Variants in APOBR observed in about 807,000 individuals in gnomAD.
APOBR encodes the protein apolipoprotein B receptor, also known as apoB-48R.
Under a neutral mutation model 88.5 loss-of-function variants are expected in APOBR, and 57 were observed. That is an observed-to-expected ratio of 0.64 (90% CI 0.52 to 0.80). APOBR has a LOEUF of 0.80. Among genes scored for constraint, APOBR ranks in the 30% least tolerant of loss-of-function variants. The pLI is 0.00. For missense variants in APOBR, 1,443 were observed against 1,401.6 expected (o/e 1.03, Z -0.47); for synonymous variants, 588 against 572.7 (o/e 1.03, Z -0.38).
rs1032104599 is a variant in APOBR, at chr16:28,495,729, G to A, written c.688G>A (p.Glu230Lys). The A allele has an allele frequency of 2.0e-6, 3 of 1,534,480 alleles. No homozygotes were observed. The highest frequency in any genetic ancestry group is 1.8e-6 in the Non-Finnish European group (2 of 1,138,618). The change falls in exon 2 of 4, where the codon GAG becomes AAG. Residue 230 changes from glutamate to lysine, a missense_variant. Glu to Lys is a moderately conservative substitution (Grantham distance 56). Transcript: ENST00000564831. ...DNREMEQGVR[E>K]ADAGETEEPG... ...CCGGGAGATGGAGCAGGGGGTCAGG[G>A]AGGCAGATGCAGGGGAAACTGAGGA...
rs200751685 is a variant in APOBR, at chr16:28,498,107, C to G, written c.2982C>G (p.Asp994Glu). The change falls in exon 3 of 4, where the codon GAC becomes GAG. Residue 994 changes from aspartate (D) to glutamate (E), a missense_variant. By Grantham distance (45) the Asp-to-Glu change is conservative. Transcript: ENST00000564831. ...SEAPLPGSLLDVSVPRSRVHL... is the reference protein window; with the variant it reads ...SEAPLPGSLLEVSVPRSRVHL... ...CCCCGCTCCCCGGGTCCCTCCTAGACGTCTCTGTCCCAAGGAGTCGCGTGC... is the reference window on the plus strand; with the variant it reads ...CCCCGCTCCCCGGGTCCCTCCTAGAGGTCTCTGTCCCAAGGAGTCGCGTGC... The G allele has an allele frequency of 6.3e-7, 1 of 1,579,198 alleles. No individual in the cohort carries two copies. Among genetic ancestry groups the G allele is most frequent in the South Asian group, 1.1e-5 (1 of 89,458 alleles).
At position 28,497,996 on chromosome 16, in the gene APOBR, G is replaced by T; in HGVS notation, c.2955G>T (p.Glu985Asp). The stretch of plus-strand genomic sequence containing the variant: ...GAGGTGCTGCCAACAGCTGGAGCGA[G>T]GTGAGGGCTCTTGGTGGGGTCTCGG... ...ARGGAANSWS[E>D]APLPGSLLDV... The change falls in exon 2 of 4, where the codon GAG becomes GAT. Residue 985 changes from glutamate (E) to aspartate (D), a missense_variant and splice_region_variant. Coordinates refer to ENST00000564831, the MANE Select transcript of APOBR (RefSeq NM_018690.4). 1 of 1,589,154 alleles carries T rather than the reference G, an allele frequency of 6.3e-7. No homozygotes were observed. Among genetic ancestry groups the T allele is most frequent in the South Asian group, 1.1e-5 (1 of 89,374 alleles).
Position 28,496,980 on chromosome 16 carries a change from C to T in APOBR, c.1939C>T (p.Arg647Trp), listed in dbSNP as rs376186510. 108 of 1,560,290 alleles carry T rather than the reference C, an allele frequency of 6.9e-5. No individual in the cohort carries two copies. Among genetic ancestry groups the T allele is most frequent in the Middle Eastern group, 3.4e-4 (2 of 5,912 alleles). Reference sequence around the variant, plus strand: ...GGAGGATGCGGCCGATGGCGAGCAGCGGGAGGAGGAGGAGACTGCGGGAGG... The same window carrying T: ...GGAGGATGCGGCCGATGGCGAGCAGTGGGAGGAGGAGGAGACTGCGGGAGG... ...TQEDAADGEQREEEETAGGQT... is the reference protein window; with the variant it reads ...TQEDAADGEQWEEEETAGGQT... Residue 647 changes from arginine to tryptophan, a missense_variant, in exon 2 of 4, where the codon CGG (arginine) becomes TGG (tryptophan). Transcript: ENST00000564831.
Position 28,494,731 on chromosome 16 carries a change from G to A in APOBR, c.50G>A (p.Gly17Glu), listed in dbSNP as rs771522282. The change falls in exon 1 of 4, where the codon GGG (glycine) becomes GAG (glutamate). Residue 17 changes from glycine (G) to glutamate (E), a missense_variant. Gly to Glu is a moderately conservative substitution (Grantham distance 98). Transcript: ENST00000564831. ...CCTGGGCTGCACCAGGCCTTGAGGG[G>A]GGCACTGGTGAGAAGGGCAGACAGC... Reference protein sequence around the residue: ...YLPGLHQALRGALDSLGTFVS... With the variant: ...YLPGLHQALREALDSLGTFVS... 9 of 1,610,440 alleles carry A rather than the reference G, an allele frequency of 5.6e-6. No individual in the cohort carries two copies. In the African/African-American group the frequency reaches 8.0e-5, roughly 14 times the overall value.
In APOBR at chr16:28,496,857, C is replaced by G; in HGVS notation, c.1816C>G (p.Pro606Ala). 6.4e-7 allele frequency: 1 copy of G among 1,558,768 alleles called. No individual in the cohort carries two copies. Among genetic ancestry groups the G allele is most frequent in the Non-Finnish European group, 8.7e-7 (1 of 1,151,264 alleles). ...EEQERSLEAG[P>A]RHAGSVKPEA... is the part of the protein sequence containing the mutation. ...GCAGGAGAGGAGCCTGGAGGCAGGT[C>G]CCAGGCACGCGGGGTCTGTAAAGCC... is the stretch of plus-strand genomic sequence containing the variant. The change falls in exon 2 of 4, where the codon CCC (proline) becomes GCC (alanine). Residue 606 changes from proline (P) to alanine (A), a missense_variant. Physicochemically the swap from Pro to Ala is conservative, Grantham distance 27 (BLOSUM62 -1). Coordinates refer to ENST00000564831, the MANE Select transcript of APOBR (RefSeq NM_018690.4).
At position 28,495,279 on chromosome 16, in the gene APOBR, A is replaced by G; in HGVS notation, c.238A>G (p.Arg80Gly). 6.5e-7 allele frequency: 1 copy of G among 1,530,244 alleles called. No homozygotes were observed. Among genetic ancestry groups the G allele is most frequent in the Non-Finnish European group, 8.8e-7 (1 of 1,139,334 alleles). The allele number at this position is 1,530,244 out of a possible 1,614,324, so 94.8% of individuals were successfully genotyped here. A position where few individuals can be genotyped will look rare whatever the true frequency, so the allele number is the denominator to read the frequency against. ...LRGSQNEGAG[R>G]LRGPGDDRRH... The stretch of plus-strand genomic sequence containing the variant: ...AGGCAGCCAAAACGAGGGGGCTGGA[A>G]GGCTGAGAGGGCCTGGAGATGACAG... Residue 80 changes from arginine to glycine, a missense_variant, in exon 2 of 4, where the codon AGG (arginine) becomes GGG (glycine). Physicochemically the swap from Arg to Gly is moderately radical, Grantham distance 125 (BLOSUM62 -2). Coordinates refer to ENST00000564831, the MANE Select transcript of APOBR (RefSeq NM_018690.4).
At position 28,496,417 on chromosome 16, in the gene APOBR, T is replaced by A; in HGVS notation, c.1376T>A (p.Phe459Tyr). 6.2e-7 allele frequency: 1 copy of A among 1,609,668 alleles called. No homozygotes were observed. The highest frequency in any genetic ancestry group is 8.5e-7 in the Non-Finnish European group (1 of 1,178,160). ...AVGGQEAGES[F>Y]EGQVDLRGKE... ...GGAGGCCAGGAGGCAGGGGAGAGCTTTGAGGGCCAGGTAGACCTGCGTGGT... is the reference window on the plus strand; with the variant it reads ...GGAGGCCAGGAGGCAGGGGAGAGCTATGAGGGCCAGGTAGACCTGCGTGGT... The change falls in exon 2 of 4, where the codon TTT (phenylalanine) becomes TAT (tyrosine). Residue 459 changes from phenylalanine (F) to tyrosine (Y), a missense_variant. Transcript: ENST00000564831.
chr16:28,497,294 C>T lies in APOBR; in HGVS notation c.2253C>T (p.Asp751=). Residue 751 remains aspartate, a synonymous_variant, in exon 2 of 4, where the codon GAC becomes GAT. Coordinates refer to ENST00000564831, the MANE Select transcript of APOBR (RefSeq NM_018690.4). Reference sequence around the variant, plus strand: ...AAGCGGTGGCTGTGGGCCTCCCGGACCGTGAGGATGCACAGACTGGCTCTG... The same window carrying T: ...AAGCGGTGGCTGTGGGCCTCCCGGATCGTGAGGATGCACAGACTGGCTCTG... The part of the protein sequence containing the change: ...RLQAVAVGLP[D]REDAQTGSVA... 2.5e-6 allele frequency: 4 copies of T among 1,595,680 alleles called. No homozygotes were observed. Among genetic ancestry groups the T allele is most frequent in the Non-Finnish European group, 3.4e-6 (4 of 1,171,634 alleles).
Position 28,496,928 on chromosome 16 carries a change from A to G in APOBR, c.1887A>G (p.Arg629=). 1 of 1,561,020 alleles carries G rather than the reference A, an allele frequency of 6.4e-7. No homozygotes were observed. Among genetic ancestry groups the G allele is most frequent in the Non-Finnish European group, 8.7e-7 (1 of 1,153,332 alleles). ...AFPGAWENRT[R]KDMERGNTQE... is the part of the protein sequence containing the mutation. ...CAGGAGCCTGGGAAAACCGCACGAGAAAGGACATGGAGAGAGGAAATACTC... is the reference window on the plus strand; with the variant it reads ...CAGGAGCCTGGGAAAACCGCACGAGGAAGGACATGGAGAGAGGAAATACTC... Residue 629 remains arginine, a synonymous_variant, in exon 2 of 4, where the codon AGA becomes AGG. Transcript: ENST00000564831.
At position 28,497,432 on chromosome 16, in the gene APOBR, GGCA is replaced by G. The variant is rs755931261; in HGVS notation, c.2399_2401del (p.Ala800del). 1.2e-5 allele frequency: 20 copies of G among 1,613,782 alleles called. 1 individual carries two copies. The South Asian group carries it at 1.6e-4, about 13-fold the overall frequency. ...GCTGGGACTCGAAAGAAAAGGAAGA[GGCA>G]GCAGCAGGAGAGCATGCAGGTGGGC... On this transcript the variant is annotated inframe_deletion, in exon 2 of 4. Coordinates refer to ENST00000564831, the MANE Select transcript of APOBR (RefSeq NM_018690.4).
rs757586180 is a variant in APOBR at position 28,497,326 on chromosome 16, C to T, written c.2285C>T (p.Ala762Val). The T allele has an allele frequency of 6.2e-7, 1 of 1,603,886 alleles. No homozygotes were observed. Among genetic ancestry groups the T allele is most frequent in the South Asian group, 1.1e-5 (1 of 89,708 alleles). Residue 762 changes from alanine (A) to valine (V), a missense_variant, in exon 2 of 4, where the codon GCT becomes GTT. Physicochemically the swap from Ala to Val is moderately conservative, Grantham distance 64 (BLOSUM62 0). Transcript: ENST00000564831. ...REDAQTGSVA[A>V]GIMGGDVVPH... ...GATGCACAGACTGGCTCTGTGGCTGCTGGGATTATGGGGGGTGATGTGGTC... is the reference window on the plus strand; with the variant it reads ...GATGCACAGACTGGCTCTGTGGCTGTTGGGATTATGGGGGGTGATGTGGTC...
Position 28,496,196 on chromosome 16 carries a change from A to C in APOBR, c.1155A>C (p.Gly385=). 1 of 1,573,948 alleles carries C rather than the reference A, an allele frequency of 6.4e-7. No homozygotes were observed. The highest frequency in any genetic ancestry group is 1.4e-5 in the African/African-American group (1 of 73,578). The part of the protein sequence containing the change: ...TSGKEEADLL[G]VRQTEYGAVP... Reference sequence around the variant, plus strand: ...GCAAAGAGGAGGCTGACCTGCTGGGAGTCAGACAGACAGAATATGGAGCAG... The same window carrying C: ...GCAAAGAGGAGGCTGACCTGCTGGGCGTCAGACAGACAGAATATGGAGCAG... The change falls in exon 2 of 4, where the codon GGA becomes GGC. Residue 385 remains glycine (G), a synonymous_variant. Coordinates refer to ENST00000564831, the MANE Select transcript of APOBR (RefSeq NM_018690.4).
Position 28,495,990 on chromosome 16 carries a change from G to A in APOBR, c.949G>A (p.Glu317Lys). ...GEEAETASGG[E>K]EAETASGGEE... ...GGAGGCTGAGACAGCCTCAGGCGGG[G>A]AGGAGGCTGAAACAGCCTCAGGCGG... Residue 317 changes from glutamate (E) to lysine (K), a missense_variant, in exon 2 of 4, where the codon GAG (glutamate) becomes AAG (lysine). Physicochemically the swap from Glu to Lys is moderately conservative, Grantham distance 56. Transcript: ENST00000564831. 7 of 1,605,470 alleles carry A rather than the reference G, an allele frequency of 4.4e-6. No homozygotes were observed. Among genetic ancestry groups the A allele is most frequent in the Non-Finnish European group, 5.9e-6 (7 of 1,178,318 alleles).
rs1188846318 is a variant in APOBR, at chr16:28,497,013, C to A, written c.1972C>A (p.Leu658Met). 6.3e-7 allele frequency: 1 copy of A among 1,575,690 alleles called. No homozygotes were observed. Among genetic ancestry groups the A allele is most frequent in the South Asian group, 1.2e-5 (1 of 85,704 alleles). ...EEEETAGGQT[L>M]AAEAEGDRES... ...GGAGGAGACTGCGGGAGGCCAGACC[C>A]TGGCGGCTGAGGCTGAAGGAGACCG... The change falls in exon 2 of 4, where the codon CTG becomes ATG. Residue 658 changes from leucine (L) to methionine (M), a missense_variant. Physicochemically the swap from Leu to Met is conservative, Grantham distance 15 (BLOSUM62 2). Coordinates refer to ENST00000564831, the MANE Select transcript of APOBR (RefSeq NM_018690.4).
At position 28,498,067 on chromosome 16, in the gene APOBR, C is replaced by T; in HGVS notation, c.2956-14C>T. On this transcript the variant is annotated splice_polypyrimidine_tract_variant and intron_variant, in intron 2 of 3. Transcript: ENST00000564831. ...AAGCCGGCCCCATGGTCCTCTGTGC[C>T]CCCTTTCCTGCAGGCCCCGCTCCCC... 4 of 1,544,558 alleles carry T rather than the reference C, an allele frequency of 2.6e-6. No individual in the cohort carries two copies. Among genetic ancestry groups the T allele is most frequent in the Non-Finnish European group, 3.5e-6 (4 of 1,151,512 alleles).
Position 28,495,834 on chromosome 16 carries a change from A to T in APOBR, c.793A>T (p.Thr265Ser), listed in dbSNP as rs192059214. Residue 265 changes from threonine to serine, a missense_variant, in exon 2 of 4, where the codon ACG (threonine) becomes TCG (serine). By Grantham distance (58) the Thr-to-Ser change is moderately conservative. Transcript: ENST00000564831. ...KACESTRAWGTWGPGAEPEDW... is the reference protein window; with the variant it reads ...KACESTRAWGSWGPGAEPEDW... Reference sequence around the variant, plus strand: ...CTGTGAAAGCACTAGGGCATGGGGGACGTGGGGCCCAGGGGCAGAGCCTGA... The same window carrying T: ...CTGTGAAAGCACTAGGGCATGGGGGTCGTGGGGCCCAGGGGCAGAGCCTGA... The T allele has an allele frequency of 2.0e-4, 317 of 1,607,870 alleles. 5 individuals are homozygous for T. The East Asian group carries it at 7.0e-3, about 35-fold the overall frequency.
rs1300142572 is a variant in APOBR at position 28,498,193 on chromosome 16, G to A, written c.3068G>A (p.Trp1023Ter). 1 of 1,604,506 alleles carries A rather than the reference G, an allele frequency of 6.2e-7. No homozygotes were observed. The highest frequency in any genetic ancestry group is 8.5e-7 in the Non-Finnish European group (1 of 1,178,650). ...SRPSFRRTPA[W>*]EQQEEPPAPN... is the part of the protein sequence containing the mutation. The stretch of plus-strand genomic sequence containing the variant: ...CCCTCTTTTCGTCGGACTCCGGCCT[G>A]GGAGCAGCAGGAGGAGCCCCCAGCC... The change falls in exon 3 of 4, where the codon TGG (tryptophan) becomes TAG (stop). Residue 1023 changes from tryptophan to a stop codon, truncating the protein, a stop_gained. Coordinates refer to ENST00000564831, the MANE Select transcript of APOBR (RefSeq NM_018690.4). LOFTEE classifies it high-confidence loss of function.
At position 28,496,855 on chromosome 16, in the gene APOBR, G is replaced by T; in HGVS notation, c.1814G>T (p.Gly605Val). Residue 605 changes from glycine to valine, a missense_variant, in exon 2 of 4, where the codon GGT becomes GTT. Coordinates refer to ENST00000564831, the MANE Select transcript of APOBR (RefSeq NM_018690.4). ...KEEQERSLEA[G>V]PRHAGSVKPE... Reference sequence around the variant, plus strand: ...GAGCAGGAGAGGAGCCTGGAGGCAGGTCCCAGGCACGCGGGGTCTGTAAAG... The same window carrying T: ...GAGCAGGAGAGGAGCCTGGAGGCAGTTCCCAGGCACGCGGGGTCTGTAAAG... 1 of 1,559,394 alleles carries T rather than the reference G, an allele frequency of 6.4e-7. No individual in the cohort carries two copies. The highest frequency in any genetic ancestry group is 8.7e-7 in the Non-Finnish European group (1 of 1,151,584).
Position 28,497,136 on chromosome 16 carries a change from G to A in APOBR, c.2095G>A (p.Glu699Lys). Residue 699 changes from glutamate to lysine, a missense_variant, in exon 2 of 4, where the codon GAG becomes AAG. Transcript: ENST00000564831. The stretch of plus-strand genomic sequence containing the variant: ...TGAGGAGGGAGAGGCATCTGTCTCA[G>A]AGAACCAGGAGCTGGACGGAAGCAC... Reference protein sequence around the residue: ...GTEEGEASVSENQELDGSTGA... With the variant: ...GTEEGEASVSKNQELDGSTGA... 1 of 1,606,574 alleles carries A rather than the reference G, an allele frequency of 6.2e-7. No homozygotes were observed. The highest frequency in any genetic ancestry group is 8.5e-7 in the Non-Finnish European group (1 of 1,176,912).
Sources: allele counts gnomAD v4.1 joint callset, GRCh38; gene constraint gnomAD v4.1.1; transcripts MANE v1.5; gene names NCBI Gene and HGNC (gene_info 2026-07-23, HGNC 2026-07-21).